Variants in NR3C2 observed in about 807,000 individuals in gnomAD.
NR3C2 encodes nuclear receptor subfamily 3 group C member 2, also known as mineralocorticoid receptor.
A neutral mutation model predicts 86.4 loss-of-function variants in NR3C2; 15 were observed. That is an observed-to-expected ratio of 0.17 (90% CI 0.12 to 0.27). The LOEUF (loss-of-function observed/expected upper bound fraction) is 0.27. NR3C2 is among the 10% of genes least tolerant of loss of function. The probability of loss-of-function intolerance (pLI) is 1.00; values close to 1 mark genes in which losing one functional copy is unlikely to be tolerated. For synonymous variants in NR3C2, 458 were observed against 450.5 expected (o/e 1.02, Z -0.21); for missense variants, 960 against 1,195.6 (o/e 0.80, Z 2.91).
At chr4:148,130,198 C>T (rs550673169) in intron 6 of NR3C2, among the ~76,000 whole-genome samples, 5 of 152,258 alleles carry the variant, frequency 3.3e-5, no homozygotes, top group African/African-American at 9.6e-5. Context: ...AGTTTTGGTA[C>T]CCTAAAGGGG....
At chr4:148,438,675 A>G (rs1234852072) in intron 1 of NR3C2, among the ~76,000 whole-genome samples, 1 of 152,022 alleles carries the variant, frequency 6.6e-6, no homozygotes, top group African/African-American at 2.4e-5. Flanking sequence ...TAATGCTACT[A>G]AATAAATTTG....
chr4:148,444,719 G>A, upstream of NR3C2: 1 of 985,318 alleles, frequency 1.0e-6, no homozygotes, highest in Non-Finnish European at 1.2e-6. Context: ...CCCTACAAGA[G>A]GCGGCGAGGC....
At chr4:148,177,144 A>T (rs1735416097) in intron 4 of NR3C2, among the ~76,000 whole-genome samples, 1 of 152,242 alleles carries the variant, frequency 6.6e-6, no homozygotes. Flanking sequence ...TGAAGTGCTC[A>T]GCAAACACTT....
chr4:148,437,962 A>G (rs1750157684), intron 1 of NR3C2, among the ~76,000 whole-genome samples: 1 of 152,224 alleles, frequency 6.6e-6, no homozygotes, highest in African/African-American at 2.4e-5. Context: ...TCTTACCCAT[A>G]TAATTTAATG....
intron 2 of NR3C2, among the ~76,000 whole-genome samples, chr4:148,313,277 G>A (rs533412498): frequency 5.3e-5 from 8 of 152,082 alleles, no homozygotes; most frequent in African/African-American, 9.6e-5. Flanking sequence ...ACTGAGTCCC[G>A]AAAAACTTCA....
At chr4:148,323,880 C>T (rs7658039) in intron 2 of NR3C2, among the ~76,000 whole-genome samples, 106,059 of 151,954 alleles carry the variant, frequency 0.7, 37,597 homozygotes, top group East Asian at 0.88. Flanking sequence ...GAGCTGTTCC[C>T]ATTTGGCCAT....
intron 2 of NR3C2, among the ~76,000 whole-genome samples, chr4:148,308,197 GT>G (rs1345589490): frequency 2.0e-5 from 3 of 152,120 alleles, no homozygotes; most frequent in African/African-American, 7.2e-5. Context: ...ATCTGTGGAG[GT>G]GAGCAGCCAG....
At chr4:148,150,447 G>T (rs569015863) in intron 6 of NR3C2, among the ~76,000 whole-genome samples, 1 of 152,078 alleles carries the variant, frequency 6.6e-6, no homozygotes. Context: ...TCTGTGAGGC[G>T]CATCATAGCT....
At chr4:148,375,339 C>T (rs924860715) in intron 2 of NR3C2, among the ~76,000 whole-genome samples, 4 of 151,886 alleles carry the variant, frequency 2.6e-5, no homozygotes, top group Non-Finnish European at 5.9e-5. Context: ...ACCTATAATC[C>T]CAGCTACTCG....
chr4:148,436,848 C>T lies in NR3C2; in HGVS notation c.13G>A (p.Gly5Ser). The change falls in exon 2 of 9, where the codon GGC becomes AGC. Residue 5 changes from glycine (G) to serine (S), a missense_variant. By Grantham distance (56) the Gly-to-Ser change is moderately conservative. Coordinates refer to ENST00000358102, the MANE Select transcript of NR3C2 (RefSeq NM_000901.5). ...AGACCTTCAGGGAGACTGTGGTAGC[C>T]TTTGGTCTCCATCGCTAACAAATAA... Reference protein sequence around the residue: METKGYHSLPEGLDM... With the variant: METKSYHSLPEGLDM... 2 of 1,609,854 alleles carry T rather than the reference C, an allele frequency of 1.2e-6. No individual in the cohort carries two copies. The highest frequency in any genetic ancestry group is 1.7e-6 in the Non-Finnish European group (2 of 1,179,698).
intron 3 of NR3C2, among the ~76,000 whole-genome samples, chr4:148,259,451 CAAA>C (rs142265702): frequency 0.64 from 96,892 of 151,388 alleles, 31,312 homozygotes; most frequent in East Asian, 0.85. Flanking sequence ...ATTTAATATG[CAAA>C]ATTTGGAAAC....
chr4:148,368,070 C>T (rs1746239007), intron 2 of NR3C2, among the ~76,000 whole-genome samples: 1 of 152,002 alleles, frequency 6.6e-6, no homozygotes, highest in African/African-American at 2.4e-5. Context: ...CCATCAGTTC[C>T]ATATCTCCCT....
At chr4:148,430,375 C>G (rs932003100) in intron 2 of NR3C2, among the ~76,000 whole-genome samples, 1 of 151,972 alleles carries the variant, frequency 6.6e-6, no homozygotes, top group African/African-American at 2.4e-5. Context: ...ATGAAACTCA[C>G]AAAAGTACAC....
At chr4:148,425,515 C>T (rs775078893) in intron 2 of NR3C2, among the ~76,000 whole-genome samples, 6 of 152,120 alleles carry the variant, frequency 3.9e-5, no homozygotes, top group Non-Finnish European at 8.8e-5. Context: ...GCCTTCTTGG[C>T]AGAGGCACCA....
intron 2 of NR3C2, among the ~76,000 whole-genome samples, chr4:148,278,642 C>T (rs1741081725): frequency 6.6e-6 from 1 of 152,136 alleles, no homozygotes. Flanking sequence ...TTCTCCCCTA[C>T]CACACTCCAA....
At chr4:148,390,137 A>C (rs1747466388) in intron 2 of NR3C2, among the ~76,000 whole-genome samples, 2 of 151,688 alleles carry the variant, frequency 1.3e-5, no homozygotes, top group Non-Finnish European at 2.9e-5. Flanking sequence ...TAAAAAAAAA[A>C]AACTCTGCAG....
intron 2 of NR3C2, among the ~76,000 whole-genome samples, chr4:148,262,627 T>C (rs1056222270): frequency 3.9e-5 from 6 of 152,152 alleles, no homozygotes; most frequent in Non-Finnish European, 7.4e-5. Flanking sequence ...CCTTGTAATG[T>C]GACATTATTT....
chr4:148,372,749 T>C (rs1746481606), intron 2 of NR3C2, among the ~76,000 whole-genome samples: 1 of 152,222 alleles, frequency 6.6e-6, no homozygotes, highest in Admixed American at 6.5e-5. Flanking sequence ...AGAAAAGTTA[T>C]TAAGTTATAG....
At position 148,311,185 on chromosome 4, in the gene NR3C2, C is replaced by T. The variant is rs571202892; in HGVS notation, c.1758-51068G>A. Among the ~76,000 whole-genome samples, 29 of 152,232 alleles carry T rather than the reference C, an allele frequency of 1.9e-4. No homozygotes were observed. In the East Asian group the frequency reaches 4.6e-3, roughly 24 times the overall value. Reference sequence around the variant, plus strand: ...GGGTTGAATTTCTCTTGGATATTTTCGTTTCTCCATTCTCTGGGTAACCTC... The same window carrying T: ...GGGTTGAATTTCTCTTGGATATTTTTGTTTCTCCATTCTCTGGGTAACCTC... On this transcript the variant is annotated intron_variant, in intron 2 of 8. Coordinates refer to ENST00000358102, the MANE Select transcript of NR3C2 (RefSeq NM_000901.5).
Sources: gnomAD v4.1 joint callset for allele counts (sites outside exome capture counted in the v4.1 genomes callset) on GRCh38, gnomAD v4.1.1 for gene constraint, MANE v1.5 for transcripts, NCBI Gene and HGNC (gene_info 2026-07-23, HGNC 2026-07-21) for gene names.